The following FLNB variants were observed in gnomAD, a reference collection of about 807,000 sequenced individuals.
FLNB encodes filamin B.
A neutral mutation model predicts 250.6 loss-of-function variants in FLNB; 111 were observed. The observed-to-expected ratio is 0.44, with a 90% CI of 0.38 to 0.52. FLNB has a LOEUF of 0.52. FLNB is among the 20% of genes least tolerant of loss of function. The probability of loss-of-function intolerance (pLI) is 0.00; values close to 1 mark genes in which losing one functional copy is unlikely to be tolerated. For synonymous variants in FLNB, 1,302 were observed against 1,372.1 expected, an observed-to-expected ratio of 0.95 and a Z score of 1.13; for missense variants, 2,869 against 3,447.8, an observed-to-expected ratio of 0.83 and a Z score of 4.20.
At chr3:58,106,038 A>G (rs2686629) in intron 11 of FLNB, among the ~76,000 whole-genome samples, 108,725 of 152,070 alleles carry the variant, frequency 0.71, 40,491 homozygotes, top group East Asian at 1. Context: ...AAAATATCTT[A>G]GACAAGTCTT....
rs367921068 is a variant in FLNB at position 58,137,712 on chromosome 3, C to T, written c.4862-570C>T. Among the ~76,000 whole-genome samples the T allele has an allele frequency of 1.5e-4, 23 of 152,342 alleles. 5 individuals carry two copies. The highest frequency in any genetic ancestry group is 1.0e-3 in the South Asian group (5 of 4,828). On this transcript the variant is annotated intron_variant, in intron 28 of 45. Transcript: ENST00000295956. ...TGCAAGTCTCCCTTAGCTAACAGCA[C>T]CCATCCTTCAGGGTTCAGCCATGTT...
At chr3:58,036,929 G>A (rs1266600504) in intron 1 of FLNB, among the ~76,000 whole-genome samples, 3 of 152,146 alleles carry the variant, frequency 2.0e-5, no homozygotes, top group South Asian at 2.1e-4. Flanking sequence ...ACCTGTAAAC[G>A]TTGAAGACTG....
chr3:58,163,731 G>C (rs2097365637), intron 43 of FLNB: 1 of 228,302 alleles, frequency 4.4e-6, no homozygotes, highest in Non-Finnish European at 8.7e-6. Flanking sequence ...CATGGTACCA[G>C]GCTCCCAGAA....
At chr3:58,108,842 G>A (rs1164825147) in intron 13 of FLNB, among the ~76,000 whole-genome samples, 1 of 151,062 alleles carries the variant, frequency 6.6e-6, no homozygotes, top group Non-Finnish European at 1.5e-5. Flanking sequence ...TGTGGCTGAA[G>A]CTGCTGAGGC....
intron 4 of FLNB, among the ~76,000 whole-genome samples, chr3:58,090,332 A>G (rs2097224685): frequency 6.6e-6 from 1 of 152,116 alleles, no homozygotes; most frequent in African/African-American, 2.4e-5. Context: ...TTCCTGAAGG[A>G]CTTGCTTGAG....
chr3:58,158,029 G>A (rs2097355933), intron 41 of FLNB, among the ~76,000 whole-genome samples: 1 of 151,806 alleles, frequency 6.6e-6, no homozygotes, highest in African/African-American at 2.4e-5. Flanking sequence ...AACATCTGGT[G>A]CTGGTTAGCA....
chr3:58,128,753 C>A (rs369974295), intron 24 of FLNB, among the ~76,000 whole-genome samples: 6 of 152,142 alleles, frequency 3.9e-5, no homozygotes, highest in Admixed American at 3.9e-4. Flanking sequence ...CTTCCGAATC[C>A]CCCTTACAGA....
In FLNB at chr3:58,081,731, C is replaced by G; in HGVS notation, c.742C>G (p.Leu248Val). 6.2e-7 allele frequency: 1 copy of G among 1,614,148 alleles called. No individual in the cohort carries two copies. Among genetic ancestry groups the G allele is most frequent in the Non-Finnish European group, 8.5e-7 (1 of 1,180,010 alleles). ...PKAKLKPGAP[L>V]KPKLNPKKAR... ...AGCCAAGCTCAAGCCGGGGGCTCCT[C>G]TCAAACCCAAACTCAACCCGAAGAA... Residue 248 changes from leucine (L) to valine (V), a missense_variant, in exon 4 of 46, where the codon CTC becomes GTC. Transcript: ENST00000295956.
intron 1 of FLNB, among the ~76,000 whole-genome samples, chr3:58,009,880 C>T (rs1438375527): frequency 6.6e-6 from 1 of 152,116 alleles, no homozygotes; most frequent in Admixed American, 6.5e-5. Flanking sequence ...TGAAGTCTCC[C>T]TTGTGGTCTG....
In FLNB at chr3:58,008,429, C is replaced by T. The variant is rs978497075; in HGVS notation, c.-136C>T. ...CCAGGGGCGGGCGGCCGCAGAGCAG[C>T]ACCGGCCGTGGCTCCGGTAGCAGCA... On this transcript the variant is annotated 5_prime_UTR_variant, in exon 1 of 46. Coordinates refer to ENST00000295956, the MANE Select transcript of FLNB (RefSeq NM_001457.4). 1.2e-5 allele frequency: 13 copies of T among 1,071,174 alleles called. No homozygotes were observed. Among genetic ancestry groups the T allele is most frequent in the Non-Finnish European group, 1.8e-5 (13 of 733,464 alleles). 66.4% of individuals were successfully genotyped at this position (1,071,174 alleles called of 1,614,324 possible). A position where few individuals can be genotyped will look rare whatever the true frequency, so the allele number is the denominator to read the frequency against.
intron 1 of FLNB, among the ~76,000 whole-genome samples, chr3:58,022,490 T>G (rs1039986856): frequency 6.6e-6 from 1 of 152,152 alleles, no homozygotes; most frequent in African/African-American, 2.4e-5. Context: ...CTTTTCCAGG[T>G]GAAGCTCAGA....
At chr3:58,043,282 A>G (rs1325224628) in intron 1 of FLNB, among the ~76,000 whole-genome samples, 1 of 150,508 alleles carries the variant, frequency 6.6e-6, no homozygotes, top group Non-Finnish European at 1.5e-5. Context: ...CTACAGGCAC[A>G]CTCCACCGTG....
chr3:58,138,280 A>G lies in FLNB; in HGVS notation c.4862-2A>G. The G allele has an allele frequency of 6.2e-7, 1 of 1,613,714 alleles. No individual in the cohort carries two copies. Among genetic ancestry groups the G allele is most frequent in the Non-Finnish European group, 8.5e-7 (1 of 1,180,008 alleles). On this transcript the variant is annotated splice_acceptor_variant, in intron 28 of 45. Coordinates refer to ENST00000295956, the MANE Select transcript of FLNB (RefSeq NM_001457.4). LOFTEE classifies it high-confidence loss of function. The stretch of plus-strand genomic sequence containing the variant: ...ATTCTCTTCCCCTGAACTCTTCTCC[A>G]GGTCCTGGAATCGCCTCCACTGTGA...
intron 12 of FLNB, 152 bp from the exon 13 acceptor site, chr3:58,108,306 C>A: frequency 1.5e-6 from 1 of 680,208 alleles, no homozygotes; most frequent in South Asian, 1.6e-5. Flanking sequence ...TACTTTAGCA[C>A]TTTACTTCCC....
chr3:58,110,457 A>T (rs1381207323), intron 16 of FLNB, among the ~76,000 whole-genome samples: 2 of 142,804 alleles, frequency 1.4e-5, no homozygotes, highest in Non-Finnish European at 3.0e-5. Flanking sequence ...TTATTTTTTT[A>T]TTTTTTTTTT....
In FLNB at chr3:58,084,436, C is replaced by T. The variant is rs906548857; in HGVS notation, c.787+2660C>T. On this transcript the variant is annotated intron_variant, in intron 4 of 45. Transcript: ENST00000295956. ...GTTAATGTGAGACGGTTTCCTTTCA[C>T]GGTGCTATTTTCTAGAAAATGATCA... Among the ~76,000 whole-genome samples, 5 of 152,076 alleles carry T rather than the reference C, an allele frequency of 3.3e-5. No individual in the cohort carries two copies. In the East Asian group the frequency reaches 5.8e-4, roughly 18 times the overall value.
At chr3:58,145,782 C>A in intron 32 of FLNB, 139 bp from the exon 33 acceptor site, 1 of 972,394 alleles carries the variant, frequency 1.0e-6, no homozygotes, top group Non-Finnish European at 1.7e-6. Flanking sequence ...GGTGCATGTG[C>A]ATCTCCTTCT....
At position 58,124,324 on chromosome 3, in the gene FLNB, C is replaced by T. The variant is rs967077437; in HGVS notation, c.3725-8C>T. 3.1e-6 allele frequency: 5 copies of T among 1,614,046 alleles called. No homozygotes were observed. In the African/African-American group the frequency reaches 5.3e-5, roughly 17 times the overall value. ...GGTGGCAGTGTTAGCTATGTGCTTG[C>T]TCTGCAGATGTGTTCCGGGAAGCTA... is the stretch of plus-strand genomic sequence containing the variant. On this transcript the variant is annotated splice_region_variant and splice_polypyrimidine_tract_variant and intron_variant, in intron 21 of 45. Coordinates refer to ENST00000295956, the MANE Select transcript of FLNB (RefSeq NM_001457.4).
Position 58,143,631 on chromosome 3 carries a change from G to A in FLNB, c.5425+18G>A. On this transcript the variant is annotated intron_variant, in intron 32 of 45. Transcript: ENST00000295956. ...CATCCCTGGTAAGCTGAGTCAGCAG[G>A]CCCAGCAGGGCTCCACCATTCAGGG... 1 of 1,613,256 alleles carries A rather than the reference G, an allele frequency of 6.2e-7. No homozygotes were observed. The highest frequency in any genetic ancestry group is 8.5e-7 in the Non-Finnish European group (1 of 1,180,022).
Sources: gnomAD v4.1 joint callset for allele counts (sites outside exome capture counted in the v4.1 genomes callset) on GRCh38, gnomAD v4.1.1 for gene constraint, MANE v1.5 for transcripts, NCBI Gene and HGNC (gene_info 2026-07-23, HGNC 2026-07-21) for gene names.